EGFLAM: variants seen among roughly 807,000 people sequenced by gnomAD.
The protein encoded by EGFLAM is pikachurin.
In EGFLAM, 79 loss-of-function variants were observed where a neutral mutation model predicts 113.1. The ratio of observed to expected loss-of-function variants is 0.70; its 90% CI spans 0.58 to 0.84. The LOEUF (loss-of-function observed/expected upper bound fraction) is 0.84, where lower values mean the gene tolerates loss of function less well. Ranked by LOEUF, EGFLAM falls within the 40% of genes least tolerant of loss-of-function variation. EGFLAM has a pLI of 0.00. For synonymous variants in EGFLAM, 504 were observed against 487.6 expected, an observed-to-expected ratio of 1.03 and a Z score of -0.44; for missense variants, 1,265 against 1,291.6, an observed-to-expected ratio of 0.98 and a Z score of 0.32.
chr5:38,412,742 C>T (rs1579894102), intron 11 of EGFLAM, 94 bp downstream of exon 11: 1 of 1,493,554 alleles, frequency 6.7e-7, no homozygotes, highest in Non-Finnish European at 8.9e-7. Flanking sequence ...GCAGAGTCTG[C>T]AGGATTCAAG....
At chr5:38,321,081 A>G (rs1297422986) in intron 1 of EGFLAM, among the ~76,000 whole-genome samples, 1 of 152,154 alleles carries the variant, frequency 6.6e-6, no homozygotes, top group Non-Finnish European at 1.5e-5. Flanking sequence ...TGTAATATAT[A>G]ATGAAGTAAT....
chr5:38,440,994 A>G (rs552325348), intron 17 of EGFLAM, among the ~76,000 whole-genome samples: 1 of 152,278 alleles, frequency 6.6e-6, no homozygotes, highest in South Asian at 2.1e-4. Context: ...AGGGGCCAGA[A>G]ACTCAGACAA....
chr5:38,313,737 C>T (rs1189466927), intron 1 of EGFLAM, among the ~76,000 whole-genome samples: 3 of 152,156 alleles, frequency 2.0e-5, no homozygotes, highest in Middle Eastern at 3.2e-3. Context: ...TCTTTAATTA[C>T]TCATGTAATA....
intron 6 of EGFLAM, among the ~76,000 whole-genome samples, chr5:38,393,964 C>G (rs771004700): frequency 1.3e-5 from 2 of 152,142 alleles, no homozygotes; most frequent in Admixed American, 6.5e-5. Context: ...GTGGGTGGCT[C>G]TCAGCGGAAA....
intron 3 of EGFLAM, among the ~76,000 whole-genome samples, chr5:38,349,766 TAC>T (rs748306970): frequency 1.9e-5 from 2 of 107,580 alleles, no homozygotes; most frequent in Admixed American, 1.0e-4. Context: ...GCAGGGGAAG[TAC>T]ACACGCACAC....
At chr5:38,426,753 C>T (rs1742021953) in intron 13 of EGFLAM, among the ~76,000 whole-genome samples, 1 of 152,172 alleles carries the variant, frequency 6.6e-6, no homozygotes, top group Non-Finnish European at 1.5e-5. Context: ...CTGATACTTG[C>T]ATCCTGCCAG....
intron 17 of EGFLAM, chr5:38,445,767 G>T: frequency 1.3e-6 from 2 of 1,540,378 alleles, no homozygotes; most frequent in South Asian, 1.1e-5. Context: ...CCAACCGCAT[G>T]CAGGGGGACC....
At chr5:38,437,475 CTG>C (rs1742385997) in intron 16 of EGFLAM, among the ~76,000 whole-genome samples, 1 of 152,304 alleles carries the variant, frequency 6.6e-6, no homozygotes, top group Admixed American at 6.5e-5. Context: ...CTCCGTAACA[CTG>C]TGTTTTGCAC....
intron 17 of EGFLAM, among the ~76,000 whole-genome samples, chr5:38,440,005 G>A (rs953101889): frequency 6.6e-6 from 1 of 152,202 alleles, no homozygotes; most frequent in South Asian, 2.1e-4. Flanking sequence ...ATTTCCTGCT[G>A]CAGAACATTA....
chr5:38,440,673 A>G (rs141178822), intron 17 of EGFLAM, among the ~76,000 whole-genome samples: 4 of 152,290 alleles, frequency 2.6e-5, no homozygotes, highest in East Asian at 3.9e-4. Context: ...TTAGCCTCAT[A>G]TATTTAAAAG....
At chr5:38,382,562 C>T (rs934560091) in intron 6 of EGFLAM, among the ~76,000 whole-genome samples, 2 of 152,212 alleles carry the variant, frequency 1.3e-5, no homozygotes, top group Non-Finnish European at 2.9e-5. Context: ...CTGACATGCA[C>T]AGCTGATCAG....
chr5:38,356,561 G>A (rs1739767921), intron 5 of EGFLAM, among the ~76,000 whole-genome samples: 1 of 152,170 alleles, frequency 6.6e-6, no homozygotes, highest in South Asian at 2.1e-4. Flanking sequence ...CCGGCCCGGT[G>A]CTCTTTTTAT....
At chr5:38,424,283 G>C (rs908737798) in intron 12 of EGFLAM, among the ~76,000 whole-genome samples, 1 of 152,210 alleles carries the variant, frequency 6.6e-6, no homozygotes, top group African/African-American at 2.4e-5. Context: ...TTGGTGAAGA[G>C]AACTCACTCA....
intron 6 of EGFLAM, among the ~76,000 whole-genome samples, chr5:38,379,095 A>G (rs971210731): frequency 6.6e-6 from 1 of 152,222 alleles, no homozygotes; most frequent in Non-Finnish European, 1.5e-5. Flanking sequence ...AAGTACAAGA[A>G]CAAAAAGTTT....
intron 10 of EGFLAM, among the ~76,000 whole-genome samples, chr5:38,411,803 T>C (rs1211956256): frequency 6.6e-6 from 1 of 151,832 alleles, no homozygotes; most frequent in East Asian, 1.9e-4. Flanking sequence ...TAAACTTTTA[T>C]TTTTTTATTT....
chr5:38,379,990 T>A (rs1176290211), intron 6 of EGFLAM, among the ~76,000 whole-genome samples: 1 of 152,228 alleles, frequency 6.6e-6, no homozygotes, highest in African/African-American at 2.4e-5. Flanking sequence ...AGGCCAACTT[T>A]GTTGTCATAG....
At chr5:38,420,938 A>C (rs1741800579) in intron 12 of EGFLAM, among the ~76,000 whole-genome samples, 1 of 152,168 alleles carries the variant, frequency 6.6e-6, no homozygotes, top group Non-Finnish European at 1.5e-5. Context: ...TGTGTCAGCC[A>C]TGTTGGTGTT....
intron 16 of EGFLAM, among the ~76,000 whole-genome samples, chr5:38,437,917 A>G (rs982799143): frequency 6.6e-6 from 1 of 152,140 alleles, no homozygotes; most frequent in East Asian, 1.9e-4. Context: ...TGAGGTCAGG[A>G]GTTCGAGACC....
intron 5 of EGFLAM, among the ~76,000 whole-genome samples, chr5:38,359,550 C>T (rs936008993): frequency 6.6e-6 from 1 of 152,144 alleles, no homozygotes; most frequent in Non-Finnish European, 1.5e-5. Context: ...TGGCACACAC[C>T]TGTAATCCCA....
Sources: allele counts gnomAD v4.1 joint callset (sites outside exome capture counted in the v4.1 genomes callset), GRCh38; gene constraint gnomAD v4.1.1; transcripts MANE v1.5; gene names NCBI Gene and HGNC (gene_info 2026-07-23, HGNC 2026-07-21).